YLPM1: variants seen among roughly 807,000 people sequenced by gnomAD.
The protein encoded by YLPM1 is YLP motif-containing protein 1.
A neutral mutation model predicts 230.0 loss-of-function variants in YLPM1; 99 were observed. The ratio of observed to expected loss-of-function variants is 0.43; its 90% CI spans 0.37 to 0.51. The LOEUF is 0.51. Ranked by LOEUF, YLPM1 falls within the 20% of genes least tolerant of loss-of-function variation. The pLI is 0.00. For missense variants in YLPM1, 2,592 were observed against 2,707.7 expected, an observed-to-expected ratio of 0.96 and a Z score of 0.95; for synonymous variants, 984 against 942.5, an observed-to-expected ratio of 1.04 and a Z score of -0.81.
chr14:74,816,626 A>G lies in YLPM1; in HGVS notation c.5621A>G (p.Tyr1874Cys). 6.2e-7 allele frequency: 1 copy of G among 1,613,718 alleles called. No homozygotes were observed. Among genetic ancestry groups the G allele is most frequent in the Non-Finnish European group, 8.5e-7 (1 of 1,179,702 alleles). Residue 1874 changes from tyrosine (Y) to cysteine (C), a missense_variant, in exon 13 of 21, where the codon TAC (tyrosine) becomes TGC (cysteine). Tyr to Cys is a radical substitution (Grantham distance 194). Coordinates refer to ENST00000325680, the MANE Select transcript of YLPM1 (RefSeq NM_019589.3). ...PAPRVLSLDD[Y>C]FITEVEKEEK... ...CCCAGAGTTCTAAGCCTGGATGATT[A>G]CTTCATCACTGAAGTGGAAAAAGAA... is the stretch of plus-strand genomic sequence containing the variant.
At chr14:74,808,804 CAAAA>C (rs34802468) in intron 6 of YLPM1, among the ~76,000 whole-genome samples, 2 of 122,908 alleles carry the variant, frequency 1.6e-5, no homozygotes, top group African/African-American at 3.0e-5. Flanking sequence ...AACTCCGTCT[CAAAA>C]AAAAAAAAAA....
chr14:74,813,637 G>A (rs2091453971), intron 11 of YLPM1, among the ~76,000 whole-genome samples: 1 of 151,912 alleles, frequency 6.6e-6, no homozygotes, highest in African/African-American at 2.4e-5. Flanking sequence ...CAGGATACAT[G>A]TGCAGGTTCA....
intron 2 of YLPM1, among the ~76,000 whole-genome samples, chr14:74,780,065 A>G (rs779147570): frequency 6.6e-6 from 1 of 151,912 alleles, no homozygotes; most frequent in Non-Finnish European, 1.5e-5. Context: ...TGGCCTCCCA[A>G]AGTTCTGGGA....
Position 74,798,021 on chromosome 14 carries a change from G to A in YLPM1, c.2724G>A (p.Glu908=), listed in dbSNP as rs2091281191. The A allele has an allele frequency of 1.2e-6, 2 of 1,613,754 alleles. No homozygotes were observed. The highest frequency in any genetic ancestry group is 1.7e-6 in the Non-Finnish European group (2 of 1,179,794). ...SNENLSDSQQ[E]PPKSEVSEGP... The stretch of plus-strand genomic sequence containing the variant: ...AGAATCTAAGCGACTCTCAACAAGA[G>A]CCACCTAAAAGTGAAGTCTCGGAAG... Residue 908 remains glutamate (E), a synonymous_variant, in exon 5 of 21, where the codon GAG becomes GAA. Transcript: ENST00000325680.
In YLPM1 at chr14:74,809,686, C is replaced by A; in HGVS notation, c.4828C>A (p.Pro1610Thr). The A allele has an allele frequency of 6.2e-7, 1 of 1,614,044 alleles. No homozygotes were observed. The highest frequency in any genetic ancestry group is 8.5e-7 in the Non-Finnish European group (1 of 1,179,896). Reference sequence around the variant, plus strand: ...AATTCCATCTGCTCCAGTATTACCACCCCCACCTGTTCACTCTTCCATTCC... The same window carrying A: ...AATTCCATCTGCTCCAGTATTACCAACCCCACCTGTTCACTCTTCCATTCC... ...AAIPSAPVLP[P>T]PPVHSSIPPP... The change falls in exon 7 of 21, where the codon CCC becomes ACC. Residue 1610 changes from proline (P) to threonine (T), a missense_variant. Pro to Thr is a conservative substitution (Grantham distance 38, BLOSUM62 -1). Around this residue, in one of 4 missense-constraint regions of YLPM1, gnomAD observed 403 missense variants for 426.7 expected, o/e 0.94. Transcript: ENST00000325680.
chr14:74,797,946 A>G lies in YLPM1; in HGVS notation c.2649A>G (p.Ala883=). The G allele has an allele frequency of 1.9e-6, 3 of 1,606,450 alleles. No individual in the cohort carries two copies. The highest frequency in any genetic ancestry group is 2.6e-6 in the Non-Finnish European group (3 of 1,176,364). The part of the protein sequence containing the change: ...QQKNFKMQSA[A]FSIAADVKDV... ...AGAATTTTAAAATGCAATCAGCTGC[A>G]TTTTCCATTGCTGCAGATGTAAAGG... The change falls in exon 5 of 21, where the codon GCA becomes GCG. Residue 883 remains alanine (A), a synonymous_variant. Coordinates refer to ENST00000325680, the MANE Select transcript of YLPM1 (RefSeq NM_019589.3).
Position 74,798,893 on chromosome 14 carries a change from G to A in YLPM1, c.3596G>A (p.Arg1199Gln), listed in dbSNP as rs377160131. ...PRAPWNHGEERGHEEFPLDGR... is the reference protein window; with the variant it reads ...PRAPWNHGEEQGHEEFPLDGR... ...GCTCCATGGAACCATGGAGAAGAGC[G>A]AGGGCATGAAGAGTTTCCATTAGAT... The change falls in exon 5 of 21, where the codon CGA becomes CAA. Residue 1199 changes from arginine to glutamine, a missense_variant. Physicochemically the swap from Arg to Gln is conservative, Grantham distance 43. Around this residue, in one of 4 missense-constraint regions of YLPM1, gnomAD observed 1,862 missense variants for 1,819.8 expected, o/e 1.02. Coordinates refer to ENST00000325680, the MANE Select transcript of YLPM1 (RefSeq NM_019589.3). 28 of 1,613,816 alleles carry A rather than the reference G, an allele frequency of 1.7e-5. No homozygotes were observed. Among genetic ancestry groups the A allele is most frequent in the Admixed American group, 8.3e-5 (5 of 60,000 alleles).
At chr14:74,821,208 T>A in intron 17 of YLPM1, 71 bp downstream of exon 17, 1 of 1,469,016 alleles carries the variant, frequency 6.8e-7, no homozygotes, top group Non-Finnish European at 9.0e-7. Flanking sequence ...TAAATTCAGA[T>A]CTGTGGTTAG....
chr14:74,826,404 C>T (rs2091562839), intron 18 of YLPM1, among the ~76,000 whole-genome samples: 1 of 152,088 alleles, frequency 6.6e-6, no homozygotes, highest in Admixed American at 6.6e-5. Context: ...ATTTATTTTT[C>T]TGAGTACTTT....
At chr14:74,777,951 G>T (rs1284634907) in intron 1 of YLPM1, among the ~76,000 whole-genome samples, 1 of 151,880 alleles carries the variant, frequency 6.6e-6, no homozygotes, top group African/African-American at 2.4e-5. Context: ...CTCCATCCTG[G>T]GTGAGAGAGT....
At chr14:74,820,606 T>G (rs890671021) in intron 16 of YLPM1, among the ~76,000 whole-genome samples, 4 of 152,216 alleles carry the variant, frequency 2.6e-5, no homozygotes, top group African/African-American at 9.6e-5. Flanking sequence ...TAGTCAGTTG[T>G]ACCTTTTAAT....
intron 1 of YLPM1, among the ~76,000 whole-genome samples, chr14:74,768,367 C>T (rs910741828): frequency 1.3e-5 from 2 of 152,050 alleles, no homozygotes; most frequent in Non-Finnish European, 2.9e-5. Flanking sequence ...CTGCCCTAGC[C>T]TCCCAAGTAT....
chr14:74,792,547 C>T (rs774631323), intron 4 of YLPM1, among the ~76,000 whole-genome samples: 2 of 152,136 alleles, frequency 1.3e-5, no homozygotes, highest in African/African-American at 2.4e-5. Context: ...GGCCAAATGG[C>T]CACCCACTGC....
intron 1 of YLPM1, among the ~76,000 whole-genome samples, chr14:74,774,607 C>T (rs1452853618): frequency 1.3e-5 from 2 of 152,152 alleles, no homozygotes; most frequent in African/African-American, 2.4e-5. Flanking sequence ...GGGGTTTCAC[C>T]GTGTTAGCCA....
At chr14:74,785,973 C>T (rs968442107) in intron 4 of YLPM1, among the ~76,000 whole-genome samples, 1 of 152,038 alleles carries the variant, frequency 6.6e-6, no homozygotes, top group African/African-American at 2.4e-5. Flanking sequence ...GTTGGTTTTC[C>T]AGGACCTTTT....
intron 1 of YLPM1, among the ~76,000 whole-genome samples, chr14:74,768,245 TG>T (rs1286485004): frequency 1.3e-5 from 2 of 150,766 alleles, no homozygotes; most frequent in Admixed American, 1.3e-4. Context: ...TAATGGAATG[TG>T]TTTTTTTGTT....
chr14:74,781,552 T>A lies in YLPM1; in HGVS notation c.1509T>A (p.Phe503Leu). 6.2e-7 allele frequency: 1 copy of A among 1,613,998 alleles called. No homozygotes were observed. Among genetic ancestry groups the A allele is most frequent in the Non-Finnish European group, 8.5e-7 (1 of 1,179,896 alleles). ...ATCTCCAGGAGAAAGTCAATTCATTTCAGAACATGAAGAACCAGTATATGG... is the reference window on the plus strand; with the variant it reads ...ATCTCCAGGAGAAAGTCAATTCATTACAGAACATGAAGAACCAGTATATGG... ...QSYLQEKVNSFQNMKNQYMGN... is the reference protein window; with the variant it reads ...QSYLQEKVNSLQNMKNQYMGN... Residue 503 changes from phenylalanine (F) to leucine (L), a missense_variant, in exon 4 of 21, where the codon TTT becomes TTA. Phe to Leu is a conservative substitution (Grantham distance 22). Coordinates refer to ENST00000325680, the MANE Select transcript of YLPM1 (RefSeq NM_019589.3).
chr14:74,820,654 A>G (rs2091514055), intron 16 of YLPM1, among the ~76,000 whole-genome samples: 1 of 151,822 alleles, frequency 6.6e-6, no homozygotes, highest in Non-Finnish European at 1.5e-5. Flanking sequence ...CGTTGCTACC[A>G]CTCTGGGCCA....
At chr14:74,781,285 ATTATC>A (rs2091088979) in intron 3 of YLPM1, 44 bp from the exon 4 acceptor site, 1 of 1,457,166 alleles carries the variant, frequency 6.9e-7, no homozygotes. Flanking sequence ...CCTATGATTA[ATTATC>A]TTATATGAAT....
Sources: allele counts gnomAD v4.1 joint callset (sites outside exome capture counted in the v4.1 genomes callset), GRCh38; gene constraint gnomAD v4.1.1; regional missense constraint gnomAD v4.1.1; transcripts MANE v1.5; gene names NCBI Gene and HGNC (gene_info 2026-07-23, HGNC 2026-07-21).